The following MESD variants were observed in gnomAD, a reference collection of about 807,000 sequenced individuals.
MESD encodes LRP chaperone MESD.
In MESD, 7 loss-of-function variants were observed where a neutral mutation model predicts 12.9. The ratio of observed to expected loss-of-function variants is 0.54; its 90% confidence interval spans 0.31 to 1.02. MESD has a LOEUF of 1.02. MESD is among the 50% of genes least tolerant of loss of function. MESD has a pLI of 0.05. For synonymous variants in MESD, 126 were observed against 115.6 expected (o/e 1.09, Z -0.58); for missense variants, 342 against 296.7 (o/e 1.15, Z -1.12).
At chr15:80,949,266 T>TG (rs1186147500) in intron 4 of MESD, 7 of 386,092 alleles carry the variant, frequency 1.8e-5, no homozygotes, top group African/African-American at 1.5e-4. Flanking sequence ...AGATCCACTT[T>TG]GGCAGGAGCC....
At chr15:80,952,646 C>CTCTG (rs769967928) in intron 3 of MESD, among the ~76,000 whole-genome samples, 1 of 151,240 alleles carries the variant, frequency 6.6e-6, no homozygotes, top group Non-Finnish European at 1.5e-5. Context: ...GTGTATGTCT[C>CTCTG]TCTGTCTGTC....
At chr15:80,973,882 T>C (rs1481927893), downstream of MESD, among the ~76,000 whole-genome samples, 3 of 152,220 alleles carry the variant, frequency 2.0e-5, no homozygotes, top group Non-Finnish European at 4.4e-5. Flanking sequence ...CTCCTGCCTT[T>C]GCCCAAAGCC....
rs1409682453 is a variant in MESD, at chr15:80,962,336, T to C, written c.*289-10040A>G. Among the ~76,000 whole-genome samples, 5 of 152,190 alleles carry C rather than the reference T, an allele frequency of 3.3e-5. No homozygotes were observed. In the South Asian group the frequency reaches 8.3e-4, roughly 25 times the overall value. On this transcript the variant is annotated intron_variant, in intron 3 of 4. Coordinates refer to the MESD transcript ENST00000561312. ...CCCAACACAGGAGCACCCAGATTTA[T>C]AAAGCAAGTTCTCAGACACCTACAA...
At chr15:80,966,530 T>A (rs374824224) in intron 3 of MESD, among the ~76,000 whole-genome samples, 1 of 152,120 alleles carries the variant, frequency 6.6e-6, no homozygotes, top group Admixed American at 6.5e-5. Context: ...GTGCTCCCCA[T>A]ATTAGAGGTG....
At chr15:80,979,764 G>A (rs1343981171) in intron 2 of MESD, among the ~76,000 whole-genome samples, 2 of 152,182 alleles carry the variant, frequency 1.3e-5, no homozygotes, top group Non-Finnish European at 2.9e-5. Context: ...AACCTCCCTA[G>A]GACACTGCAG....
chr15:80,971,949 C>CAAAA (rs989147460), downstream of MESD, among the ~76,000 whole-genome samples: 1 of 88,488 alleles, frequency 1.1e-5, no homozygotes. Flanking sequence ...GATTCTGTCT[C>CAAAA]AAAAAAAAAA....
intron 2 of MESD, among the ~76,000 whole-genome samples, chr15:80,980,264 C>G (rs1433407780): frequency 6.6e-6 from 1 of 152,202 alleles, no homozygotes; most frequent in African/African-American, 2.4e-5. Context: ...CGGACACTCT[C>G]TAAGTACTCC....
In MESD at chr15:80,979,261, G is replaced by T; in HGVS notation, c.663C>A (p.Ser221=). 6.2e-7 allele frequency: 1 copy of T among 1,613,850 alleles called. No homozygotes were observed. The stretch of plus-strand genomic sequence containing the variant: ...TATTCCCAGCTCGATTTTCTTCCTT[G>T]GAAGACCGAGATTTCAGATCTCCTT... The part of the protein sequence containing the change: ...KKEGDLKSRS[S]KEENRAGNKR... The change falls in exon 3 of 3, where the codon TCC becomes TCA. Residue 221 remains serine, a synonymous_variant. Coordinates refer to ENST00000261758, the MANE Select transcript of MESD (RefSeq NM_015154.3).
At chr15:80,987,384 A>G (rs943600798) in intron 1 of MESD, among the ~76,000 whole-genome samples, 7 of 152,130 alleles carry the variant, frequency 4.6e-5, no homozygotes, top group Non-Finnish European at 7.4e-5. Context: ...ACATTAACTC[A>G]TTTAATCCGC....
intron 4 of MESD, chr15:80,951,419 TTC>T (rs777323407): frequency 2.6e-5 from 4 of 152,578 alleles, no homozygotes; most frequent in South Asian, 2.1e-4. Context: ...TCCTTGTTAT[TTC>T]TGTTTGTAAG....
At chr15:80,956,847 T>G (rs1454358636) in intron 3 of MESD, among the ~76,000 whole-genome samples, 1 of 151,552 alleles carries the variant, frequency 6.6e-6, no homozygotes, top group Non-Finnish European at 1.5e-5. Context: ...ACAGAGGGTT[T>G]TGTTTTGTTA....
At chr15:80,967,911 A>G (rs1471792121) in intron 3 of MESD, among the ~76,000 whole-genome samples, 2 of 152,250 alleles carry the variant, frequency 1.3e-5, no homozygotes, top group African/African-American at 4.8e-5. Context: ...AGCTGATTCA[A>G]CAAGATCTAT....
At chr15:80,960,106 GTAA>G (rs1902059077) in intron 3 of MESD, among the ~76,000 whole-genome samples, 1 of 152,192 alleles carries the variant, frequency 6.6e-6, no homozygotes, top group Non-Finnish European at 1.5e-5. Context: ...GCTCACACCT[GTAA>G]TCCCAGCACT....
intron 1 of MESD, among the ~76,000 whole-genome samples, chr15:80,986,125 T>C (rs1902723372): frequency 6.6e-6 from 1 of 152,146 alleles, no homozygotes; most frequent in African/African-American, 2.4e-5. Flanking sequence ...AGTACCCTAA[T>C]GAGCCTGGAG....
chr15:80,963,866 A>C (rs992094561), intron 3 of MESD, among the ~76,000 whole-genome samples: 1 of 152,218 alleles, frequency 6.6e-6, no homozygotes, highest in African/African-American at 2.4e-5. Flanking sequence ...CCCACAGCCA[A>C]TATCATACTG....
At chr15:80,983,555 A>G (rs975961993) in intron 1 of MESD, among the ~76,000 whole-genome samples, 1 of 152,248 alleles carries the variant, frequency 6.6e-6, no homozygotes, top group African/African-American at 2.4e-5. Flanking sequence ...AGGTATCAGG[A>G]GAAACTCATG....
rs1483500188 is a variant in MESD at position 80,955,502 on chromosome 15, A to AAAAAAAAAAAAAAAG, written c.*289-3207_*289-3206insCTTTTTTTTTTTTTT. Among the ~76,000 whole-genome samples, 408 of 143,380 alleles carry AAAAAAAAAAAAAAAG rather than the reference A, an allele frequency of 2.8e-3. 6 individuals are homozygous for AAAAAAAAAAAAAAAG. Among genetic ancestry groups the AAAAAAAAAAAAAAAG allele is most frequent in the African/African-American group, 0.012 (396 of 33,902 alleles). 94.1% of individuals were successfully genotyped at this position (143,380 alleles called of 152,430 possible). A position where few individuals can be genotyped will look rare whatever the true frequency, so the allele number is the denominator to read the frequency against. ...GACTCCGTCTCAAAAAAAAAAAAAA[A>AAAAAAAAAAAAAAAG]AAAGAAATGCCCAATCTCAGGCTCT... On this transcript the variant is annotated intron_variant, in intron 3 of 4. Coordinates refer to the MESD transcript ENST00000561312.
chr15:80,988,351 G>A (rs1902791046), intron 1 of MESD, among the ~76,000 whole-genome samples: 1 of 152,186 alleles, frequency 6.6e-6, no homozygotes, highest in Non-Finnish European at 1.5e-5. Context: ...GTTATCTACT[G>A]TTCCCAGTGC....
intron 3 of MESD, among the ~76,000 whole-genome samples, chr15:80,967,149 G>A (rs1043938066): frequency 6.6e-6 from 1 of 152,020 alleles, no homozygotes. Context: ...AAAATTAGCT[G>A]GGCATGGTGG....
Sources: gnomAD v4.1 joint callset for allele counts (sites outside exome capture counted in the v4.1 genomes callset) on GRCh38, gnomAD v4.1.1 for gene constraint, MANE v1.5 for transcripts, NCBI Gene and HGNC (gene_info 2026-07-23, HGNC 2026-07-21) for gene names.